Variants in MBNL1 observed in about 807,000 individuals in gnomAD.
The protein encoded by MBNL1 is muscleblind like splicing regulator 1.
MBNL1 carries 8 observed loss-of-function variants against 42.2 expected under a neutral mutation model. The ratio of observed to expected loss-of-function variants is 0.19; its 90% CI spans 0.11 to 0.34. The LOEUF is 0.34. Ranked by LOEUF, MBNL1 falls within the 10% of genes least tolerant of loss-of-function variation. The pLI, the probability that MBNL1 is intolerant of heterozygous loss-of-function variation, is 1.00. For missense variants in MBNL1, 309 were observed against 495.3 expected (o/e 0.62, Z 3.57); for synonymous variants, 169 against 173.9 (o/e 0.97, Z 0.22).
chr3:152,404,400 A>G (rs2098359022), intron 2 of MBNL1, among the ~76,000 whole-genome samples: 2 of 152,322 alleles, frequency 1.3e-5, no homozygotes, highest in South Asian at 4.1e-4. Context: ...ATTACATAAT[A>G]TTATACTTTG....
At chr3:152,443,471 G>C in intron 4 of MBNL1, among the ~76,000 whole-genome samples, 1 of 52,366 alleles carries the variant, frequency 1.9e-5, no homozygotes, top group African/African-American at 8.1e-5. Context: ...TTATGCAGTA[G>C]TATATATTTA....
chr3:152,424,814 A>G (rs1303099291), intron 3 of MBNL1, among the ~76,000 whole-genome samples: 1 of 152,236 alleles, frequency 6.6e-6, no homozygotes, highest in Non-Finnish European at 1.5e-5. Context: ...TGACAAAAGC[A>G]ATGGGGAAAG....
At chr3:152,451,834 C>T (rs1007347826) in intron 6 of MBNL1, among the ~76,000 whole-genome samples, 3 of 152,064 alleles carry the variant, frequency 2.0e-5, no homozygotes, top group East Asian at 1.9e-4. Flanking sequence ...TTTTTCACAA[C>T]GCCCAGAAGG....
chr3:152,352,125 ATGTGT>A (rs1221973435), intron 2 of MBNL1, among the ~76,000 whole-genome samples: 3 of 152,156 alleles, frequency 2.0e-5, no homozygotes, highest in African/African-American at 7.2e-5. Flanking sequence ...AAGCTATAAA[ATGTGT>A]TATGTTAGCC....
At chr3:152,378,844 G>A (rs926239923) in intron 2 of MBNL1, among the ~76,000 whole-genome samples, 2 of 152,116 alleles carry the variant, frequency 1.3e-5, no homozygotes, top group Non-Finnish European at 2.9e-5. Flanking sequence ...AGGCTCTCAA[G>A]TACCTGCAAC....
At chr3:152,428,642 C>G (rs2098967324) in intron 3 of MBNL1, among the ~76,000 whole-genome samples, 2 of 152,196 alleles carry the variant, frequency 1.3e-5, no homozygotes, top group Non-Finnish European at 2.9e-5. Context: ...GTACCTATAT[C>G]TGTAGAAAAC....
rs911132002 is a variant in MBNL1 at position 152,464,849 on chromosome 3, T to C, written c.*2483T>C. On this transcript the variant is annotated 3_prime_UTR_variant, in exon 10 of 10. Coordinates refer to ENST00000324210, the MANE Select transcript of MBNL1 (RefSeq NM_021038.5). ...TATAGTCAAAAGAGAGAAACCTGTA[T>C]AATAGTAAGATCTTATTTTGAATAA... 2.0e-5 allele frequency: 3 copies of C among 152,678 alleles called. No homozygotes were observed. Among genetic ancestry groups the C allele is most frequent in the Admixed American group, 1.3e-4 (2 of 15,284 alleles). The allele number at this position is 152,678 out of a possible 1,614,324, so 9.5% of individuals were successfully genotyped here.
intron 2 of MBNL1, among the ~76,000 whole-genome samples, chr3:152,361,097 A>G (rs576993082): frequency 1.4e-4 from 21 of 152,222 alleles, no homozygotes; most frequent in African/African-American, 4.6e-4. Context: ...GTAAGTGTAG[A>G]AAAAAACCCA....
intron 3 of MBNL1, among the ~76,000 whole-genome samples, chr3:152,418,517 G>A (rs1249372982): frequency 6.6e-6 from 1 of 151,336 alleles, no homozygotes; most frequent in Non-Finnish European, 1.5e-5. Context: ...AGGAAGCTAA[G>A]GCAGGAGAAT....
intron 2 of MBNL1, among the ~76,000 whole-genome samples, chr3:152,411,419 C>T (rs1170250137): frequency 6.6e-6 from 1 of 152,116 alleles, no homozygotes; most frequent in Non-Finnish European, 1.5e-5. Flanking sequence ...ACTCGGGAGG[C>T]TGAGAAAGGA....
At chr3:152,256,805 T>A (rs1168830044) in intron 2 of MBNL1, among the ~76,000 whole-genome samples, 1 of 152,168 alleles carries the variant, frequency 6.6e-6, no homozygotes, top group Non-Finnish European at 1.5e-5. Flanking sequence ...CTTAAGAAGT[T>A]AATAACAACA....
chr3:152,254,478 A>G (rs1208923005), intron 2 of MBNL1, among the ~76,000 whole-genome samples: 1 of 152,060 alleles, frequency 6.6e-6, no homozygotes, highest in African/African-American at 2.4e-5. Flanking sequence ...TACATGGAAG[A>G]GTAATCTCCC....
chr3:152,310,620 C>G (rs1297974621), intron 2 of MBNL1, among the ~76,000 whole-genome samples: 1 of 152,154 alleles, frequency 6.6e-6, no homozygotes, highest in African/African-American at 2.4e-5. Flanking sequence ...TTAAAACATG[C>G]TCATTCACAT....
intron 5 of MBNL1, 74 bp downstream of exon 5, chr3:152,445,613 C>A: frequency 6.9e-7 from 1 of 1,458,970 alleles, no homozygotes; most frequent in Admixed American, 2.2e-5. Context: ...TGACTACAAG[C>A]TATTCATTTA....
chr3:152,322,535 A>G (rs1178664799), intron 2 of MBNL1, among the ~76,000 whole-genome samples: 1 of 152,064 alleles, frequency 6.6e-6, no homozygotes, highest in Non-Finnish European at 1.5e-5. Flanking sequence ...CGATACCACA[A>G]AGATTAAAAA....
intron 2 of MBNL1, chr3:152,338,767 C>A: frequency 1.2e-6 from 1 of 866,728 alleles, no homozygotes; most frequent in Non-Finnish European, 1.4e-6. Flanking sequence ...TAAAGAATGT[C>A]CTTGGGAAAC....
chr3:152,304,515 T>G (rs953389342), intron 2 of MBNL1, among the ~76,000 whole-genome samples: 1 of 152,214 alleles, frequency 6.6e-6, no homozygotes, highest in East Asian at 1.9e-4. Flanking sequence ...TTTTTTGTGG[T>G]TTGATTTTTA....
At chr3:152,345,080 G>A (rs2094010320) in intron 2 of MBNL1, among the ~76,000 whole-genome samples, 1 of 151,874 alleles carries the variant, frequency 6.6e-6, no homozygotes, top group Non-Finnish European at 1.5e-5. Context: ...CACTTACCCT[G>A]GGAGACTTTT....
intron 2 of MBNL1, among the ~76,000 whole-genome samples, chr3:152,306,007 A>G (rs952385172): frequency 6.6e-5 from 10 of 152,326 alleles, no homozygotes; most frequent in Admixed American, 6.5e-4. Context: ...GATAATTACT[A>G]AACAGTATAA....
Sources: gnomAD v4.1 joint callset for allele counts (sites outside exome capture counted in the v4.1 genomes callset) on GRCh38, gnomAD v4.1.1 for gene constraint, MANE v1.5 for transcripts, NCBI Gene and HGNC (gene_info 2026-07-23, HGNC 2026-07-21) for gene names.